SLC45A3: variants seen among roughly 807,000 people sequenced by gnomAD.
The protein encoded by SLC45A3 is prostate cancer associated protein 2.
SLC45A3 carries 17 observed loss-of-function variants against 35.3 expected under a neutral mutation model. The ratio of observed to expected loss-of-function variants is 0.48; its 90% CI spans 0.33 to 0.72. The LOEUF (loss-of-function observed/expected upper bound fraction) is 0.72. SLC45A3 is among the 30% of genes least tolerant of loss of function. SLC45A3 has a pLI of 0.02. For missense variants in SLC45A3, 597 were observed against 731.7 expected, an observed-to-expected ratio of 0.82 and a Z score of 2.12; for synonymous variants, 288 against 334.3, an observed-to-expected ratio of 0.86 and a Z score of 1.51.
At chr1:205,660,778 C>G (rs1037006995) in intron 4 of SLC45A3, among the ~76,000 whole-genome samples, 6 of 151,978 alleles carry the variant, frequency 3.9e-5, no homozygotes, top group Non-Finnish European at 8.8e-5. Flanking sequence ...GCCGCTGATG[C>G]CAGCCCCCTG....
In SLC45A3 at chr1:205,669,700, C is replaced by CAA; in HGVS notation, c.-230-4815_-230-4814insTT. ...CGTGTTCCCTGCACACTCACAAAGA[C>CAA]GCTCTGCTTTCTCCCAGGCTCCTCA... On this transcript the variant is annotated intron_variant, in intron 1 of 4. Coordinates refer to ENST00000367145, the MANE Select transcript of SLC45A3 (RefSeq NM_033102.3). This position sits in a 1 kb window ranked among gnomAD's most constrained non-coding sequence, Gnocchi z 4.1. Among the ~76,000 whole-genome samples, 2 of 152,338 alleles carry CAA rather than the reference C, an allele frequency of 1.3e-5. No individual in the cohort carries two copies. Among genetic ancestry groups the CAA allele is most frequent in the Middle Eastern group, 6.8e-3 (2 of 294 alleles).
chr1:205,672,549 C>T (rs778017509), intron 1 of SLC45A3, among the ~76,000 whole-genome samples: 1 of 152,188 alleles, frequency 6.6e-6, no homozygotes, highest in Non-Finnish European at 1.5e-5. Context: ...GCTCCAAATC[C>T]AAGGTAGGTG....
chr1:205,679,619 G>C (rs929288971), intron 1 of SLC45A3, among the ~76,000 whole-genome samples: 1 of 151,786 alleles, frequency 6.6e-6, no homozygotes, highest in African/African-American at 2.4e-5. Context: ...CCTGGGAGGC[G>C]AGGAGAAAAC....
chr1:205,678,262 A>G (rs1477452331), intron 1 of SLC45A3, among the ~76,000 whole-genome samples: 1 of 152,192 alleles, frequency 6.6e-6, no homozygotes, highest in Non-Finnish European at 1.5e-5. Context: ...GGCTGCAGTG[A>G]GCTGAGATCG....
At chr1:205,667,906 C>T (rs538999426) in intron 1 of SLC45A3, among the ~76,000 whole-genome samples, 1 of 152,230 alleles carries the variant, frequency 6.6e-6, no homozygotes, top group East Asian at 1.9e-4. Context: ...TCATTAGTAG[C>T]CTCCCAGTTC....
Position 205,662,136 on chromosome 1 carries a change from G to C in SLC45A3, c.959-10C>G, listed in dbSNP as rs956719676. On this transcript the variant is annotated splice_polypyrimidine_tract_variant and intron_variant, in intron 3 of 4. Coordinates refer to ENST00000367145, the MANE Select transcript of SLC45A3 (RefSeq NM_033102.3). This position sits in a 1 kb window ranked among gnomAD's most constrained non-coding sequence, Gnocchi z 6.2. ...CTGCCCATCCGAACGCCTGCAGAGGGAGAGGGGCCATCAGACAGAGCCTGG... is the reference window on the plus strand; with the variant it reads ...CTGCCCATCCGAACGCCTGCAGAGGCAGAGGGGCCATCAGACAGAGCCTGG... 6.2e-7 allele frequency: 1 copy of C among 1,608,970 alleles called. No homozygotes were observed. The highest frequency in any genetic ancestry group is 8.5e-7 in the Non-Finnish European group (1 of 1,176,752).
At chr1:205,678,511 C>T (rs993065139) in intron 1 of SLC45A3, among the ~76,000 whole-genome samples, 1 of 152,174 alleles carries the variant, frequency 6.6e-6, no homozygotes. Context: ...CCCTCCACCA[C>T]CCAGTGGCCT....
chr1:205,679,115 G>A (rs1378003213), intron 1 of SLC45A3, among the ~76,000 whole-genome samples: 1 of 152,152 alleles, frequency 6.6e-6, no homozygotes, highest in Non-Finnish European at 1.5e-5. Flanking sequence ...ACCCCAGCAA[G>A]GGTCACTGCG....
chr1:205,674,860 C>T (rs1316581860), intron 1 of SLC45A3, among the ~76,000 whole-genome samples: 2 of 151,940 alleles, frequency 1.3e-5, no homozygotes, highest in African/African-American at 2.4e-5. Flanking sequence ...GGACTACAGG[C>T]GTGTGTCACC....
rs1366076846 is a variant in SLC45A3, at chr1:205,658,248, G to A, written c.*986C>T. The A allele has an allele frequency of 1.3e-5, 3 of 232,740 alleles. No individual in the cohort carries two copies. The highest frequency in any genetic ancestry group is 2.2e-5 in the African/African-American group (1 of 45,288). 14.4% of individuals were successfully genotyped at this position (232,740 alleles called of 1,614,324 possible). Reference sequence around the variant, plus strand: ...AGAGTAGAGGGGAGTGGAAGTGGGGGGAACCAGGCTGGGCCAAGAGAAGAG... The same window carrying A: ...AGAGTAGAGGGGAGTGGAAGTGGGGAGAACCAGGCTGGGCCAAGAGAAGAG... On this transcript the variant is annotated 3_prime_UTR_variant, in exon 5 of 5. Coordinates refer to ENST00000367145, the MANE Select transcript of SLC45A3 (RefSeq NM_033102.3).
Position 205,678,920 on chromosome 1 carries a change from G to A in SLC45A3, c.-231+1474C>T, listed in dbSNP as rs116784080. Among the ~76,000 whole-genome samples the A allele has an allele frequency of 6.2e-3, 944 of 152,254 alleles. 14 individuals carry two copies. Among genetic ancestry groups the A allele is most frequent in the African/African-American group, 0.022 (904 of 41,554 alleles). On this transcript the variant is annotated intron_variant, in intron 1 of 4. Transcript: ENST00000367145. Reference sequence around the variant, plus strand: ...CTCTATGGGTTTCCTCAGGCTTCCCGTCTAGCCTGGGCCTCCTGGGCCCTC... The same window carrying A: ...CTCTATGGGTTTCCTCAGGCTTCCCATCTAGCCTGGGCCTCCTGGGCCCTC...
chr1:205,661,803 C>G, intron 4 of SLC45A3, 58 bp downstream of exon 4: 1 of 1,560,538 alleles, frequency 6.4e-7, no homozygotes, highest in South Asian at 1.2e-5. Flanking sequence ...GCTAGTTGGC[C>G]TCCCAAAAAC....
chr1:205,675,777 A>C (rs753349854), intron 1 of SLC45A3, among the ~76,000 whole-genome samples: 4 of 151,932 alleles, frequency 2.6e-5, no homozygotes, highest in African/African-American at 4.8e-5. Flanking sequence ...CCTCCACCTG[A>C]GCCCTGCCCA....
chr1:205,677,373 A>C (rs952857057), intron 1 of SLC45A3, among the ~76,000 whole-genome samples: 3 of 152,212 alleles, frequency 2.0e-5, no homozygotes, highest in Admixed American at 6.5e-5. Flanking sequence ...CTAAGTGTAA[A>C]CCACAATGAT....
rs1375663229 is a variant in SLC45A3, at chr1:205,669,689, A to C, written c.-230-4803T>G. ...CAGCGACCCTGCGTGTTCCCTGCACACTCACAAAGACGCTCTGCTTTCTCC... is the reference window on the plus strand; with the variant it reads ...CAGCGACCCTGCGTGTTCCCTGCACCCTCACAAAGACGCTCTGCTTTCTCC... On this transcript the variant is annotated intron_variant, in intron 1 of 4. Coordinates refer to ENST00000367145, the MANE Select transcript of SLC45A3 (RefSeq NM_033102.3). The surrounding 1 kb of genome is among the most constrained non-coding windows in gnomAD (Gnocchi z 4.1). Among the ~76,000 whole-genome samples the C allele has an allele frequency of 6.6e-6, 1 of 151,918 alleles. No homozygotes were observed. The highest frequency in any genetic ancestry group is 1.9e-4 in the East Asian group (1 of 5,156).
Position 205,662,257 on chromosome 1 carries a change from AC to A in SLC45A3, c.959-132del. ...CTGTGGACCAGCCCTGCTCCCCAGC[AC>A]CCTTCCCCTTTCTACCTCTAGCAAT... is the stretch of plus-strand genomic sequence containing the variant. On this transcript the variant is annotated intron_variant, in intron 3 of 4. Coordinates refer to ENST00000367145, the MANE Select transcript of SLC45A3 (RefSeq NM_033102.3). The surrounding 1 kb of genome is among the most constrained non-coding windows in gnomAD (Gnocchi z 6.2). 6.9e-7 allele frequency: 1 copy of A among 1,441,310 alleles called. No individual in the cohort carries two copies. Among genetic ancestry groups the A allele is most frequent in the South Asian group, 1.5e-5 (1 of 67,514 alleles). 89.3% of individuals were successfully genotyped at this position (1,441,310 alleles called of 1,614,324 possible).
rs574763250 is a variant in SLC45A3, at chr1:205,663,329, C to T, written c.462G>A (p.Pro154=). 1.4e-5 allele frequency: 22 copies of T among 1,613,238 alleles called. No individual in the cohort carries two copies. Among genetic ancestry groups the T allele is most frequent in the African/African-American group, 5.3e-5 (4 of 74,938 alleles). The stretch of plus-strand genomic sequence containing the variant: ...CAGAGTAGGCCTGGCGACAGTGGTC[C>T]GGGTCCCGGAAGAGGTCAGAGAGCA... ...EALLSDLFRD[P]DHCRQAYSVY... The change falls in exon 3 of 5, where the codon CCG becomes CCA. Residue 154 remains proline, a synonymous_variant. Transcript: ENST00000367145.
Position 205,664,806 on chromosome 1 carries a change from T to C in SLC45A3, c.-150A>G, listed in dbSNP as rs1671092483. On this transcript the variant is annotated 5_prime_UTR_variant, in exon 2 of 5. Coordinates refer to ENST00000367145, the MANE Select transcript of SLC45A3 (RefSeq NM_033102.3). This position sits in a 1 kb window ranked among gnomAD's most constrained non-coding sequence, Gnocchi z 5.3. ...GCGCCCATTTCTGCCAGCCCTTTGGTGCCGGTCCAGCTTCTCAGCCCATGC... is the reference window on the plus strand; with the variant it reads ...GCGCCCATTTCTGCCAGCCCTTTGGCGCCGGTCCAGCTTCTCAGCCCATGC... 1.4e-6 allele frequency: 2 copies of C among 1,437,150 alleles called. No homozygotes were observed. Among genetic ancestry groups the C allele is most frequent in the Non-Finnish European group, 1.8e-6 (2 of 1,100,454 alleles). The allele number at this position is 1,437,150 out of a possible 1,614,324, so 89.0% of individuals were successfully genotyped here.
chr1:205,674,203 AT>A (rs1671263336), intron 1 of SLC45A3, among the ~76,000 whole-genome samples: 2 of 129,654 alleles, frequency 1.5e-5, no homozygotes, highest in South Asian at 5.6e-4. Flanking sequence ...ACCACGCAAT[AT>A]AGGGGTGGGG....
Sources: gnomAD v4.1 joint callset for allele counts (sites outside exome capture counted in the v4.1 genomes callset) on GRCh38, gnomAD v4.1.1 for gene constraint, Gnocchi (gnomAD v3.1) non-coding constraint, MANE v1.5 for transcripts, NCBI Gene and HGNC (gene_info 2026-07-23, HGNC 2026-07-21) for gene names.